FN3K: variants seen among roughly 807,000 people sequenced by gnomAD.
FN3K encodes fructosamine-3-kinase.
A neutral mutation model predicts 24.8 loss-of-function variants in FN3K; 24 were observed. The ratio of observed to expected loss-of-function variants is 0.97; its 90% CI spans 0.70 to 1.36. The LOEUF (loss-of-function observed/expected upper bound fraction) is 1.36. Among genes scored for constraint, FN3K ranks in the 40% most tolerant of loss-of-function variants. The probability of loss-of-function intolerance (pLI) is 0.00; values close to 1 mark genes in which losing one functional copy is unlikely to be tolerated. For missense variants in FN3K, 449 were observed against 416.7 expected (o/e 1.08, Z -0.67); for synonymous variants, 192 against 175.2 (o/e 1.10, Z -0.76).
chr17:82,750,834 GCCC>G lies in FN3K; in HGVS notation c.*82_*84del. On this transcript the variant is annotated 3_prime_UTR_variant, in exon 6 of 6. Transcript: ENST00000300784. ...CTGTCCCCCCGTCCCCCGTCCCTGT[GCCC>G]CCGTCCCTGTCCCCCTGTTCCCGTC... The G allele has an allele frequency of 9.5e-7, 1 of 1,057,448 alleles. No homozygotes were observed. The highest frequency in any genetic ancestry group is 1.5e-5 in the South Asian group (1 of 66,624). 65.5% of individuals were successfully genotyped at this position (1,057,448 alleles called of 1,614,324 possible).
chr17:82,738,947 T>TATACGTATATATATATATATA (rs1491164859), intron 2 of FN3K, among the ~76,000 whole-genome samples: 1 of 65,284 alleles, frequency 1.5e-5, no homozygotes, highest in African/African-American at 6.4e-5. Context: ...TATATATATA[T>TATACGTATATATATATATATA]TTTTTTTTTT....
intron 4 of FN3K, among the ~76,000 whole-genome samples, chr17:82,743,309 T>C (rs968076902): frequency 1.3e-5 from 2 of 152,174 alleles, no homozygotes; most frequent in African/African-American, 4.8e-5. Flanking sequence ...GCTAGTCTGT[T>C]TGGAGCACAG....
intron 4 of FN3K, among the ~76,000 whole-genome samples, chr17:82,744,827 C>T (rs868637391): frequency 6.6e-6 from 1 of 152,194 alleles, no homozygotes; most frequent in African/African-American, 2.4e-5. Flanking sequence ...GGTAAAGAAT[C>T]AAGTGCTGTG....
chr17:82,743,833 C>T (rs1027180159), intron 4 of FN3K, among the ~76,000 whole-genome samples: 12 of 152,216 alleles, frequency 7.9e-5, no homozygotes, highest in South Asian at 2.1e-4. Context: ...CTGACCATGA[C>T]GCAGCCCCTC....
In FN3K at chr17:82,750,710, G is replaced by A. The variant is rs2047012285; in HGVS notation, c.885G>A (p.Glu295=). Residue 295 remains glutamate (E), a synonymous_variant, in exon 6 of 6, where the codon GAG becomes GAA. Coordinates refer to ENST00000300784, the MANE Select transcript of FN3K (RefSeq NM_022158.4). ...ACCACTGGAACCACTTCGGGCGGGAGTACAGGAGCCCTTCCTTGGGCACCA... is the reference window on the plus strand; with the variant it reads ...ACCACTGGAACCACTTCGGGCGGGAATACAGGAGCCCTTCCTTGGGCACCA... ...YLNHWNHFGR[E]YRSPSLGTMR... is the part of the protein sequence containing the mutation. 3 of 1,613,690 alleles carry A rather than the reference G, an allele frequency of 1.9e-6. No homozygotes were observed. Among genetic ancestry groups the A allele is most frequent in the Non-Finnish European group, 2.5e-6 (3 of 1,179,976 alleles).
intron 4 of FN3K, 40 bp from the exon 5 acceptor site, chr17:82,748,815 T>G: frequency 6.2e-7 from 1 of 1,611,508 alleles, no homozygotes; most frequent in East Asian, 2.2e-5. Context: ...AGCACTTGGC[T>G]CCGAATTGCA....
At chr17:82,743,730 G>A (rs1043593892) in intron 4 of FN3K, among the ~76,000 whole-genome samples, 2 of 152,248 alleles carry the variant, frequency 1.3e-5, no homozygotes, top group Non-Finnish European at 2.9e-5. Context: ...TATAGATGAG[G>A]AAAGTGACAT....
chr17:82,744,664 ATGGAGGATCCCGCCAGCCTC>A (rs1442786518), intron 4 of FN3K, among the ~76,000 whole-genome samples: 2 of 152,144 alleles, frequency 1.3e-5, no homozygotes, highest in African/African-American at 4.8e-5. Flanking sequence ...CGTTCAGCAT[ATGGAGGATCCCGCCAGCCTC>A]TGAGTTCCCT....
At chr17:82,745,990 A>G (rs1263777559) in intron 4 of FN3K, among the ~76,000 whole-genome samples, 4 of 147,496 alleles carry the variant, frequency 2.7e-5, no homozygotes, top group African/African-American at 9.9e-5. Context: ...GCTACTTGGG[A>G]GGCTGAGGCA....
intron 4 of FN3K, among the ~76,000 whole-genome samples, chr17:82,744,304 CATA>C (rs1311805148): frequency 1.3e-5 from 2 of 152,188 alleles, no homozygotes; most frequent in Non-Finnish European, 2.9e-5. Flanking sequence ...TGTAATTTGA[CATA>C]AATTGCACCC....
chr17:82,738,455 C>T (rs1298472634), intron 1 of FN3K, 34 bp from the exon 2 acceptor site: 3 of 1,611,352 alleles, frequency 1.9e-6, no homozygotes, highest in African/African-American at 1.3e-5. Context: ...CTGGCTGAGT[C>T]AACAAGGCTG....
At chr17:82,742,698 C>T (rs1439164752) in intron 4 of FN3K, 1 of 456,184 alleles carries the variant, frequency 2.2e-6, no homozygotes, top group Non-Finnish European at 4.4e-6. Context: ...TTTGGACAGC[C>T]CAACTGCCCT....
intron 4 of FN3K, 124 bp from the exon 5 acceptor site, chr17:82,748,731 T>A (rs1243411442): frequency 1.4e-6 from 2 of 1,474,774 alleles, no homozygotes; most frequent in African/African-American, 2.8e-5. Flanking sequence ...GTATTTTATG[T>A]TTCTGTCTTA....
chr17:82,748,905 C>G lies in FN3K; in HGVS notation c.519C>G (p.Leu173=). The G allele has an allele frequency of 6.2e-6, 10 of 1,614,056 alleles. No individual in the cohort carries two copies. Among genetic ancestry groups the G allele is most frequent in the Non-Finnish European group, 8.5e-6 (10 of 1,180,032 alleles). ...CGACCTTTTTCGCCCGGCACCGGCT[C>G]CAGGCGCAGCTGGACCTCATTGAGA... ...DWPTFFARHR[L]QAQLDLIEKD... Residue 173 remains leucine, a synonymous_variant, in exon 5 of 6, where the codon CTC becomes CTG. Transcript: ENST00000300784.
intron 4 of FN3K, among the ~76,000 whole-genome samples, chr17:82,744,895 C>G (rs1292457304): frequency 2.6e-5 from 4 of 152,202 alleles, no homozygotes; most frequent in African/African-American, 9.6e-5. Flanking sequence ...TATTGCTGCC[C>G]GCATGTCCCA....
chr17:82,744,156 C>T (rs769974967), intron 4 of FN3K, among the ~76,000 whole-genome samples: 6 of 152,072 alleles, frequency 3.9e-5, no homozygotes, highest in Non-Finnish European at 7.4e-5. Flanking sequence ...AGAGGGTGAG[C>T]CCAGGGGCCG....
chr17:82,749,914 C>T (rs141305107), intron 5 of FN3K: 5,333 of 175,278 alleles, frequency 0.03, 133 homozygotes, highest in Middle Eastern at 0.071. Context: ...AAAAATTAGC[C>T]GGGTGTAGTG....
intron 2 of FN3K, 143 bp from the exon 3 acceptor site, chr17:82,740,620 G>A: frequency 1.6e-6 from 1 of 634,652 alleles, no homozygotes. Flanking sequence ...AAAAGAAAGA[G>A]TCATTGCCTG....
At position 82,739,904 on chromosome 17, in the gene FN3K, C is replaced by CT. The variant is rs200691038; in HGVS notation, c.294-849dup. Among the ~76,000 whole-genome samples the CT allele has an allele frequency of 8.3e-3, 1,211 of 145,374 alleles. 15 individuals are homozygous for CT. Among genetic ancestry groups the CT allele is most frequent in the African/African-American group, 0.028 (1,108 of 39,584 alleles). On this transcript the variant is annotated intron_variant, in intron 2 of 5. Coordinates refer to ENST00000300784, the MANE Select transcript of FN3K (RefSeq NM_022158.4). ...ATCTTTTTCTTTTGCTTTTTCTTTC[C>CT]TTTTTTTTTTGTTTTTTGAGACAGA...
Sources: allele counts gnomAD v4.1 joint callset (sites outside exome capture counted in the v4.1 genomes callset), GRCh38; gene constraint gnomAD v4.1.1; transcripts MANE v1.5; gene names NCBI Gene and HGNC (gene_info 2026-07-23, HGNC 2026-07-21).